GABRA3: variants seen among roughly 807,000 people sequenced by gnomAD.
GABRA3 encodes gamma-aminobutyric acid type A receptor subunit alpha3.
Under a neutral mutation model 30.1 loss-of-function variants are expected in GABRA3, and 10 were observed. The ratio of observed to expected loss-of-function variants is 0.33; its 90% CI spans 0.20 to 0.56. The LOEUF (loss-of-function observed/expected upper bound fraction) is 0.56, where lower values mean the gene tolerates loss of function less well. GABRA3 is among the 20% of genes least tolerant of loss of function. The pLI is 0.89. For missense variants in GABRA3, 233 were observed against 392.0 expected (o/e 0.59, Z 3.42); for synonymous variants, 151 against 146.8 (o/e 1.03, Z -0.21).
At chrX:152,434,032 A>G (rs1272190144) in intron 1 of GABRA3, among the ~76,000 whole-genome samples, 1 of 111,880 alleles carries the variant, frequency 8.9e-6, no homozygotes, top group Non-Finnish European at 1.9e-5. Flanking sequence ...ATTCACAGTT[A>G]AAAACCTTGG....
intron 1 of GABRA3, among the ~76,000 whole-genome samples, chrX:152,432,779 G>A (rs1334313693): frequency 3.6e-5 from 4 of 111,511 alleles, no homozygotes; most frequent in African/African-American, 1.3e-4. Flanking sequence ...TTAGCTTAAT[G>A]CAATATTCTT....
At chrX:152,405,386 A>C (rs1929905821) in intron 1 of GABRA3, among the ~76,000 whole-genome samples, 1 of 109,763 alleles carries the variant, frequency 9.1e-6, no homozygotes, top group African/African-American at 3.3e-5. Flanking sequence ...GCCCCAAATA[A>C]ACTTAAGTGA....
intron 6 of GABRA3, among the ~76,000 whole-genome samples, chrX:152,214,999 C>A (rs1173988161): frequency 9.5e-6 from 1 of 105,542 alleles, no homozygotes; most frequent in Non-Finnish European, 2.0e-5. Flanking sequence ...CACACACACA[C>A]ATATATATAT....
At chrX:152,337,855 A>T (rs979887836) in intron 3 of GABRA3, among the ~76,000 whole-genome samples, 1 of 111,384 alleles carries the variant, frequency 9.0e-6, no homozygotes, top group African/African-American at 3.3e-5. Context: ...ATAAAAACAG[A>T]AAAAAGAGAT....
intron 3 of GABRA3, among the ~76,000 whole-genome samples, chrX:152,323,334 T>C (rs1940001087): frequency 9.0e-6 from 1 of 111,612 alleles, no homozygotes; most frequent in Admixed American, 9.5e-5. Flanking sequence ...CTAGTACAAG[T>C]AGCAGCGGGG....
chrX:152,212,436 C>T (rs1937643206), intron 6 of GABRA3, among the ~76,000 whole-genome samples: 1 of 107,113 alleles, frequency 9.3e-6, no homozygotes, highest in African/African-American at 3.4e-5. Context: ...GTGGGAACCT[C>T]TGTTGGAATA....
chrX:152,243,062 C>T (rs959955074), intron 5 of GABRA3, among the ~76,000 whole-genome samples: 2 of 111,732 alleles, frequency 1.8e-5, no homozygotes, highest in South Asian at 3.7e-4. Context: ...CTGCCACTTG[C>T]GACAACATGG....
intron 5 of GABRA3, among the ~76,000 whole-genome samples, chrX:152,232,441 T>A (rs1332860663): frequency 9.1e-6 from 1 of 110,012 alleles, no homozygotes; most frequent in African/African-American, 3.3e-5. Context: ...AACTCTCCAA[T>A]GTCTATTATT....
chrX:152,404,105 C>G (rs1264841726), intron 1 of GABRA3, among the ~76,000 whole-genome samples: 3 of 111,042 alleles, frequency 2.7e-5, no homozygotes, highest in Non-Finnish European at 5.7e-5. Flanking sequence ...TGCTTAAGGG[C>G]TACACAAAGA....
chrX:152,391,274 A>G (rs1207824611), intron 1 of GABRA3, among the ~76,000 whole-genome samples: 1 of 111,900 alleles, frequency 8.9e-6, no homozygotes, highest in Non-Finnish European at 1.9e-5. Context: ...ATAGTGTATG[A>G]GCGAAAGTCT....
chrX:152,289,823 A>G (rs755044035), intron 3 of GABRA3, among the ~76,000 whole-genome samples: 1 of 111,262 alleles, frequency 9.0e-6, no homozygotes, highest in Non-Finnish European at 1.9e-5. Flanking sequence ...AGCTGCATCC[A>G]TGTCCCTGCA....
chrX:152,396,193 G>T (rs1929657257), intron 1 of GABRA3, among the ~76,000 whole-genome samples: 1 of 111,731 alleles, frequency 9.0e-6, no homozygotes, highest in Non-Finnish European at 1.9e-5. Context: ...TGAAGTTAGA[G>T]ATTGGAGTGA....
chrX:152,243,276 A>T (rs921552482), intron 5 of GABRA3, among the ~76,000 whole-genome samples: 2 of 111,845 alleles, frequency 1.8e-5, no homozygotes, highest in Non-Finnish European at 3.8e-5. Flanking sequence ...CTATTGTACA[A>T]CATGGTGAGT....
Position 152,235,487 on chromosome X carries a change from T to C in GABRA3, c.552-10642A>G, listed in dbSNP as rs890769040. Among the ~76,000 whole-genome samples the C allele has an allele frequency of 2.7e-5, 3 of 111,272 alleles. No individual in the cohort carries two copies. In the Admixed American group the frequency reaches 2.9e-4, roughly 11 times the overall value. ...ACATGATTACATATATTGAAAATCC[T>C]AAAGACCCCAACAAACAATTGTCAG... On this transcript the variant is annotated intron_variant, in intron 5 of 9. Transcript: ENST00000370314.
intron 3 of GABRA3, among the ~76,000 whole-genome samples, chrX:152,288,223 T>G (rs1444838718): frequency 8.9e-6 from 1 of 112,003 alleles, no homozygotes; most frequent in African/African-American, 3.2e-5. Context: ...GGGACCACTA[T>G]GCCTTGATGT....
chrX:152,217,687 C>T (rs1440111787), intron 6 of GABRA3, among the ~76,000 whole-genome samples: 3 of 110,673 alleles, frequency 2.7e-5, no homozygotes, highest in Non-Finnish European at 5.7e-5. Context: ...ATTTCTCCTT[C>T]AGTCAGTTCC....
intron 4 of GABRA3, among the ~76,000 whole-genome samples, chrX:152,260,688 G>A (rs188036339): frequency 2.7e-5 from 3 of 111,568 alleles, no homozygotes; most frequent in Non-Finnish European, 3.8e-5. Flanking sequence ...TGAGCTTGAG[G>A]TGCCCCCTAA....
intron 6 of GABRA3, among the ~76,000 whole-genome samples, chrX:152,209,724 A>G (rs1193710697): frequency 1.8e-5 from 2 of 112,553 alleles, no homozygotes; most frequent in Non-Finnish European, 3.8e-5. Flanking sequence ...CTTTTTCAAT[A>G]CACCTAAATA....
At chrX:152,420,072 A>C in intron 1 of GABRA3, among the ~76,000 whole-genome samples, 1 of 112,084 alleles carries the variant, frequency 8.9e-6, no homozygotes, top group East Asian at 2.8e-4. Context: ...AAAATTCAAT[A>C]CCCATTAATG....
Sources: allele counts gnomAD v4.1 joint callset (sites outside exome capture counted in the v4.1 genomes callset), GRCh38; gene constraint gnomAD v4.1.1; transcripts MANE v1.5; gene names NCBI Gene and HGNC (gene_info 2026-07-23, HGNC 2026-07-21).